The following CPAMD8 variants were observed in gnomAD, a reference collection of about 807,000 sequenced individuals.
CPAMD8 encodes C3 and PZP like alpha-2-macroglobulin domain containing 8.
Under a neutral mutation model 224.7 loss-of-function variants are expected in CPAMD8, and 146 were observed. The ratio of observed to expected loss-of-function variants is 0.65; its 90% CI spans 0.57 to 0.75. The LOEUF (loss-of-function observed/expected upper bound fraction) is 0.75. CPAMD8 is among the 30% of genes least tolerant of loss of function. The pLI is 0.00. For missense variants in CPAMD8, 2,301 were observed against 2,537.5 expected (o/e 0.91, Z 2.00); for synonymous variants, 966 against 1,044.6 (o/e 0.92, Z 1.45).
In CPAMD8 at chr19:16,980,702, A is replaced by C. The variant is rs142177452; in HGVS notation, c.1396-16T>G. ...CTTCCCCAACCTATGGAAGACACGC[A>C]GCATGGGGGGCTCTGCCTCGCACCA... On this transcript the variant is annotated splice_polypyrimidine_tract_variant and intron_variant, in intron 13 of 41. Coordinates refer to ENST00000443236, the MANE Select transcript of CPAMD8 (RefSeq NM_015692.5). The C allele has an allele frequency of 2.4e-4, 369 of 1,512,198 alleles. No homozygotes were observed. The African/African-American group carries it at 4.6e-3, about 19-fold the overall frequency. 93.7% of individuals were successfully genotyped at this position (1,512,198 alleles called of 1,614,324 possible). A position where few individuals can be genotyped will look rare whatever the true frequency, so the allele number is the denominator to read the frequency against.
At chr19:16,999,315 T>C (rs2056233403) in intron 10 of CPAMD8, among the ~76,000 whole-genome samples, 1 of 152,010 alleles carries the variant, frequency 6.6e-6, no homozygotes, top group Admixed American at 6.6e-5. Context: ...GCGCAGTGGC[T>C]CACGCCTGTA....
chr19:16,894,725 G>A, intron 41 of CPAMD8: 1 of 326,128 alleles, frequency 3.1e-6, no homozygotes, highest in South Asian at 2.4e-5. Context: ...GCTACCCATA[G>A]CACACTACCC....
rs752988671 is a variant in CPAMD8, at chr19:16,928,206, T to G, written c.3173A>C (p.Glu1058Ala). 6.2e-7 allele frequency: 1 copy of G among 1,613,970 alleles called. No individual in the cohort carries two copies. Among genetic ancestry groups the G allele is most frequent in the South Asian group, 1.1e-5 (1 of 91,080 alleles). ...QVGHGPEPSN[E>A]SVIVAWTLPR... ...GAGGGTCCAGGCCACAATGACAGAC[T>G]CATTGGATGGCTCTGGACCATGGCC... Residue 1058 changes from glutamate (E) to alanine (A), a missense_variant, in exon 25 of 42, where the codon GAG (glutamate) becomes GCG (alanine). Coordinates refer to ENST00000443236, the MANE Select transcript of CPAMD8 (RefSeq NM_015692.5).
intron 34 of CPAMD8, among the ~76,000 whole-genome samples, chr19:16,903,095 A>G (rs976588157): frequency 1.3e-5 from 2 of 152,160 alleles, no homozygotes; most frequent in Non-Finnish European, 2.9e-5. Flanking sequence ...AGCTGTGCTC[A>G]GCTATGTCTG....
chr19:16,996,140 A>T (rs544173482), intron 11 of CPAMD8, among the ~76,000 whole-genome samples: 18 of 152,112 alleles, frequency 1.2e-4, no homozygotes, highest in African/African-American at 4.3e-4. Flanking sequence ...ACAGAGCGAG[A>T]CTCTTGTCTC....
Position 16,899,404 on chromosome 19 carries a change from G to C in CPAMD8, c.4848+71C>G. ...AGATACTTGCAGGGAGCCACACCAG[G>C]CAGTGACCGGTGCACCCTCACCAAC... is the stretch of plus-strand genomic sequence containing the variant. On this transcript the variant is annotated intron_variant, in intron 37 of 41. Coordinates refer to ENST00000443236, the MANE Select transcript of CPAMD8 (RefSeq NM_015692.5). The surrounding 1 kb of genome is among the most constrained non-coding windows in gnomAD (Gnocchi z 5.4). 1.3e-6 allele frequency: 1 copy of C among 781,832 alleles called. No homozygotes were observed. The highest frequency in any genetic ancestry group is 2.4e-5 in the East Asian group (1 of 40,850). The allele number at this position is 781,832 out of a possible 1,614,324, so 48.4% of individuals were successfully genotyped here.
chr19:16,991,727 C>T (rs1044317048), intron 12 of CPAMD8, among the ~76,000 whole-genome samples: 1 of 151,802 alleles, frequency 6.6e-6, no homozygotes, highest in Non-Finnish European at 1.5e-5. Flanking sequence ...TGGTGGGGGG[C>T]GCCTGTAATC....
At chr19:17,009,734 A>G (rs1243632424) in intron 5 of CPAMD8, among the ~76,000 whole-genome samples, 1 of 151,888 alleles carries the variant, frequency 6.6e-6, no homozygotes, top group Non-Finnish European at 1.5e-5. Flanking sequence ...AGATTGCGCC[A>G]CTGCACTCCA....
At chr19:17,015,119 A>G (rs999204983) in intron 3 of CPAMD8, among the ~76,000 whole-genome samples, 2 of 152,184 alleles carry the variant, frequency 1.3e-5, no homozygotes, top group Non-Finnish European at 2.9e-5. Flanking sequence ...GCAGGCGCCT[A>G]TAGTCCCAGC....
At chr19:17,016,294 A>C (rs974737159) in intron 3 of CPAMD8, among the ~76,000 whole-genome samples, 9 of 152,146 alleles carry the variant, frequency 5.9e-5, no homozygotes, top group Admixed American at 2.6e-4. Flanking sequence ...GGGAATCTCA[A>C]GTCTAGTCTT....
intron 15 of CPAMD8, among the ~76,000 whole-genome samples, chr19:16,977,041 C>T: frequency 6.6e-6 from 1 of 151,722 alleles, no homozygotes; most frequent in Admixed American, 6.6e-5. Flanking sequence ...GACTCCGTCT[C>T]AAAATAATAA....
intron 35 of CPAMD8, among the ~76,000 whole-genome samples, chr19:16,901,922 A>G (rs2052274038): frequency 6.6e-6 from 1 of 152,114 alleles, no homozygotes; most frequent in Admixed American, 6.5e-5. Flanking sequence ...TCGGGCTGAG[A>G]GTCAAGGTCA....
At chr19:16,921,427 C>T (rs955077517) in intron 27 of CPAMD8, among the ~76,000 whole-genome samples, 3 of 151,764 alleles carry the variant, frequency 2.0e-5, no homozygotes, top group Non-Finnish European at 4.4e-5. Context: ...CAGGTGTGCC[C>T]GGCCTCCCAG....
intron 18 of CPAMD8, among the ~76,000 whole-genome samples, chr19:16,958,643 G>A (rs1356873994): frequency 1.3e-5 from 2 of 152,052 alleles, no homozygotes; most frequent in Admixed American, 6.6e-5. Context: ...ACTCAGTAAT[G>A]GGATTGCTGG....
At position 16,898,143 on chromosome 19, in the gene CPAMD8, T is replaced by A. The variant is rs545856929; in HGVS notation, c.4849-149A>T. 53 of 585,830 alleles carry A rather than the reference T, an allele frequency of 9.0e-5. No individual in the cohort carries two copies. Among genetic ancestry groups the A allele is most frequent in the South Asian group, 5.1e-4 (24 of 46,684 alleles). The allele number at this position is 585,830 out of a possible 1,614,324, so 36.3% of individuals were successfully genotyped here. On this transcript the variant is annotated intron_variant, in intron 37 of 41. Transcript: ENST00000443236. The surrounding 1 kb of genome is among the most constrained non-coding windows in gnomAD (Gnocchi z 4.2). The stretch of plus-strand genomic sequence containing the variant: ...CCATTTTCTTTTTTTCTTTTACTTT[T>A]CTTTTTTTTTTTTTTTCCTGAGACA...
chr19:16,903,619 G>C lies in CPAMD8; in HGVS notation c.4412C>G (p.Pro1471Arg). The C allele has an allele frequency of 6.2e-7, 1 of 1,614,062 alleles. No individual in the cohort carries two copies. The highest frequency in any genetic ancestry group is 8.5e-7 in the Non-Finnish European group (1 of 1,180,028). ...CACAAACAGCCCCGTGGGGAGGCTG[G>C]GGATCTGGAGACAGAAGTCACCGTG... Reference protein sequence around the residue: ...NQKVLQTAAIPSLPTGLFVSA... With the variant: ...NQKVLQTAAIRSLPTGLFVSA... Residue 1471 changes from proline to arginine, a missense_variant, in exon 34 of 42, where the codon CCC (proline) becomes CGC (arginine). By Grantham distance (103) the Pro-to-Arg change is moderately radical (BLOSUM62 -2). Coordinates refer to ENST00000443236, the MANE Select transcript of CPAMD8 (RefSeq NM_015692.5).
chr19:16,982,458 C>T (rs73505533), intron 13 of CPAMD8, among the ~76,000 whole-genome samples: 2,176 of 152,104 alleles, frequency 0.014, 53 homozygotes, highest in African/African-American at 0.049. Context: ...CATTCTACCT[C>T]CCCCTAAAGG....
chr19:17,005,008 CT>C (rs2056446826), intron 7 of CPAMD8, among the ~76,000 whole-genome samples: 1 of 150,662 alleles, frequency 6.6e-6, no homozygotes, highest in African/African-American at 2.4e-5. Flanking sequence ...ACAGGGTCTC[CT>C]GCCAGGATAG....
At chr19:16,964,720 G>A (rs1480221078) in intron 18 of CPAMD8, among the ~76,000 whole-genome samples, 1 of 152,066 alleles carries the variant, frequency 6.6e-6, no homozygotes, top group African/African-American at 2.4e-5. Flanking sequence ...CCAAAGCCTG[G>A]CAGAGACACA....
Sources: gnomAD v4.1 joint callset for allele counts (sites outside exome capture counted in the v4.1 genomes callset) on GRCh38, gnomAD v4.1.1 for gene constraint, Gnocchi (gnomAD v3.1) non-coding constraint, MANE v1.5 for transcripts, NCBI Gene and HGNC (gene_info 2026-07-23, HGNC 2026-07-21) for gene names.